SBF2: variants seen among roughly 807,000 people sequenced by gnomAD.
SBF2 encodes the protein SET binding factor 2, also known as myotubularin-related protein 13.
In SBF2, 112 loss-of-function variants were observed where a neutral mutation model predicts 225.2. The ratio of observed to expected loss-of-function variants is 0.50; its 90% CI spans 0.43 to 0.58. The LOEUF (loss-of-function observed/expected upper bound fraction) is 0.58, where lower values mean the gene tolerates loss of function less well. Among genes scored for constraint, SBF2 ranks in the 20% least tolerant of loss-of-function variants. SBF2 has a pLI of 0.00. For synonymous variants in SBF2, 763 were observed against 773.3 expected, an observed-to-expected ratio of 0.99 and a Z score of 0.22; for missense variants, 1,996 against 2,206.2, an observed-to-expected ratio of 0.90 and a Z score of 1.91.
intron 9 of SBF2, among the ~76,000 whole-genome samples, chr11:9,995,491 A>C (rs1427399581): frequency 6.6e-6 from 1 of 152,216 alleles, no homozygotes; most frequent in Non-Finnish European, 1.5e-5. Context: ...AATCCATATT[A>C]CACAGTTTAA....
chr11:10,106,216 A>T (rs867354139), intron 2 of SBF2, among the ~76,000 whole-genome samples: 22 of 152,316 alleles, frequency 1.4e-4, no homozygotes, highest in African/African-American at 5.3e-4. Context: ...TAATAGGTGT[A>T]GTTCACTGTG....
chr11:10,225,923 T>C (rs930181999), intron 1 of SBF2, among the ~76,000 whole-genome samples: 1 of 152,112 alleles, frequency 6.6e-6, no homozygotes, highest in Non-Finnish European at 1.5e-5. Flanking sequence ...TAGCAGTATG[T>C]TTTTCAAAGT....
chr11:9,821,442 T>C (rs1222751963), intron 28 of SBF2, among the ~76,000 whole-genome samples: 1 of 152,166 alleles, frequency 6.6e-6, no homozygotes, highest in Non-Finnish European at 1.5e-5. Context: ...AATGATAAAA[T>C]GGCCAGTACT....
rs748477865 is a variant in SBF2, at chr11:9,845,565, C to G, written c.3110G>C (p.Arg1037Pro). The change falls in exon 24 of 40, where the codon CGT (arginine) becomes CCT (proline). Residue 1037 changes from arginine to proline, a missense_variant and splice_region_variant. Arg to Pro is a moderately radical substitution (Grantham distance 103). Transcript: ENST00000256190. ...TTAACAGACTTGTCTTTCTTCTTAC[C>G]GAAAAGAAGTGTTCTTTTCCTTCTG... The part of the protein sequence containing the change: ...PKQKEKNTSF[R>P]TFSKTIVKGA... The G allele has an allele frequency of 6.2e-7, 1 of 1,612,782 alleles. No individual in the cohort carries two copies. Among genetic ancestry groups the G allele is most frequent in the Non-Finnish European group, 8.5e-7 (1 of 1,178,912 alleles).
intron 17 of SBF2, among the ~76,000 whole-genome samples, chr11:9,870,049 A>G (rs1858594559): frequency 6.6e-6 from 1 of 152,160 alleles, no homozygotes; most frequent in African/African-American, 2.4e-5. Flanking sequence ...TAGCATTCCT[A>G]TATACCAACA....
At chr11:10,278,506 C>T (rs1017709125) in intron 1 of SBF2, among the ~76,000 whole-genome samples, 3 of 152,174 alleles carry the variant, frequency 2.0e-5, no homozygotes, top group Non-Finnish European at 2.9e-5. Context: ...ACTGGCAGGG[C>T]GCAGAGGCTC....
chr11:9,923,583 A>G (rs1053874912), intron 16 of SBF2, among the ~76,000 whole-genome samples: 2 of 152,236 alleles, frequency 1.3e-5, no homozygotes, highest in African/African-American at 4.8e-5. Context: ...GCTATTTACA[A>G]TGGGACATAT....
intron 1 of SBF2, among the ~76,000 whole-genome samples, chr11:10,274,848 C>A (rs1004379689): frequency 1.3e-5 from 2 of 151,820 alleles, no homozygotes; most frequent in Admixed American, 1.3e-4. Context: ...GTACTACATT[C>A]AAGAGTCTGC....
chr11:9,787,803 C>A (rs1852472901), intron 35 of SBF2, 65 bp from the exon 36 acceptor site: 1 of 1,365,448 alleles, frequency 7.3e-7, no homozygotes, highest in East Asian at 2.3e-5. Context: ...CCCAAAGCCA[C>A]ACTGCTTCTG....
At chr11:10,236,557 T>C (rs1959086678) in intron 1 of SBF2, among the ~76,000 whole-genome samples, 1 of 152,144 alleles carries the variant, frequency 6.6e-6, no homozygotes, top group Non-Finnish European at 1.5e-5. Context: ...CCTCCTGGGT[T>C]CAAGCAATTC....
intron 16 of SBF2, among the ~76,000 whole-genome samples, chr11:9,903,553 C>T (rs1007323183): frequency 2.6e-5 from 4 of 151,990 alleles, no homozygotes; most frequent in African/African-American, 4.8e-5. Flanking sequence ...AAAAAGAGAC[C>T]GAGGCAAGTT....
At chr11:10,193,843 C>A in intron 2 of SBF2, 59 bp downstream of exon 2, 1 of 1,117,324 alleles carries the variant, frequency 8.9e-7, no homozygotes, top group South Asian at 1.2e-5. Context: ...ATGTAAAAAT[C>A]AATGTGACAA....
At chr11:9,999,106 G>A (rs1234412873) in intron 8 of SBF2, among the ~76,000 whole-genome samples, 2 of 152,132 alleles carry the variant, frequency 1.3e-5, no homozygotes, top group Non-Finnish European at 2.9e-5. Flanking sequence ...ACATAAAAGT[G>A]TAAGAGAAAA....
chr11:10,107,323 C>T (rs1399125253), intron 2 of SBF2, among the ~76,000 whole-genome samples: 4 of 152,028 alleles, frequency 2.6e-5, no homozygotes, highest in Admixed American at 6.5e-5. Flanking sequence ...GAATACTATT[C>T]GTCAATAAAA....
chr11:9,847,703 G>A (rs1856652340), intron 22 of SBF2, among the ~76,000 whole-genome samples: 1 of 152,086 alleles, frequency 6.6e-6, no homozygotes, highest in Non-Finnish European at 1.5e-5. Flanking sequence ...GTTTATTAAA[G>A]CAAACATGGG....
At position 10,072,857 on chromosome 11, in the gene SBF2, T is replaced by C. The variant is rs1464446753; in HGVS notation, c.142-29876A>G. Among the ~76,000 whole-genome samples, 2 of 151,516 alleles carry C rather than the reference T, an allele frequency of 1.3e-5. 1 individual carries two copies. Among genetic ancestry groups the C allele is most frequent in the Non-Finnish European group, 2.9e-5 (2 of 67,934 alleles). On this transcript the variant is annotated intron_variant, in intron 2 of 39. Coordinates refer to ENST00000256190, the MANE Select transcript of SBF2 (RefSeq NM_030962.4). ...AGCAATCATGATCCTGTCAAGTAGC[T>C]AGGACTACAGATGCATGACACCACA...
At chr11:10,059,001 T>C (rs2134746263) in intron 2 of SBF2, among the ~76,000 whole-genome samples, 1 of 152,254 alleles carries the variant, frequency 6.6e-6, no homozygotes, top group South Asian at 2.1e-4. Flanking sequence ...CAAGAGATCT[T>C]GAAAGGAACA....
At chr11:9,860,403 C>G (rs796098659) in intron 17 of SBF2, among the ~76,000 whole-genome samples, 7 of 152,034 alleles carry the variant, frequency 4.6e-5, no homozygotes, top group African/African-American at 1.7e-4. Context: ...GCTGTAGTAG[C>G]TGGGACTACA....
rs1388585918 is a variant in SBF2, at chr11:9,856,708, C to T, written c.2113G>A (p.Asp705Asn). The T allele has an allele frequency of 2.5e-6, 4 of 1,613,726 alleles. No individual in the cohort carries two copies. The highest frequency in any genetic ancestry group is 3.4e-6 in the Non-Finnish European group (4 of 1,179,998). The change falls in exon 19 of 40, where the codon GAT (aspartate) becomes AAT (asparagine). Residue 705 changes from aspartate to asparagine, a missense_variant. Physicochemically the swap from Asp to Asn is conservative, Grantham distance 23. Transcript: ENST00000256190. The part of the protein sequence containing the change: ...PHLKQKDKLP[D>N]DHYQEKTAMD... ...GCTGTCTTCTCCTGATAATGGTCAT[C>T]AGGAAGCTTATCCTAAAAAATAAAG...
Sources: gnomAD v4.1 joint callset for allele counts (sites outside exome capture counted in the v4.1 genomes callset) on GRCh38, gnomAD v4.1.1 for gene constraint, MANE v1.5 for transcripts, NCBI Gene and HGNC (gene_info 2026-07-23, HGNC 2026-07-21) for gene names.